Variants in B3GAT1 observed in about 807,000 individuals in gnomAD.
B3GAT1 encodes the protein galactosylgalactosylxylosylprotein 3-beta-glucuronosyltransferase 1.
A neutral mutation model predicts 28.4 loss-of-function variants in B3GAT1; 11 were observed. That is an observed-to-expected ratio of 0.39 (90% CI 0.24 to 0.64). The LOEUF is 0.64. Ranked by LOEUF, B3GAT1 falls within the 30% of genes least tolerant of loss-of-function variation. The pLI is 0.50. For missense variants in B3GAT1, 375 were observed against 491.0 expected, an observed-to-expected ratio of 0.76 and a Z score of 2.23; for synonymous variants, 255 against 223.1, an observed-to-expected ratio of 1.14 and a Z score of -1.27.
intron 1 of B3GAT1, among the ~76,000 whole-genome samples, chr11:134,400,289 G>T (rs1008199291): frequency 6.6e-6 from 1 of 152,094 alleles, no homozygotes; most frequent in Admixed American, 6.6e-5. Flanking sequence ...CTCCGGGGGC[G>T]CCTGGTCTTA....
At chr11:134,407,962 T>C (rs1188576453) in intron 1 of B3GAT1, among the ~76,000 whole-genome samples, 1 of 147,414 alleles carries the variant, frequency 6.8e-6, no homozygotes, top group Non-Finnish European at 1.5e-5. Context: ...TCTGGAATTT[T>C]GGTGTCAAGA....
chr11:134,383,583 C>A, intron 3 of B3GAT1, 97 bp downstream of exon 3: 1 of 1,413,436 alleles, frequency 7.1e-7, no homozygotes, highest in South Asian at 1.5e-5. Context: ...CCCGGGTTCC[C>A]CCTGCGCGCG....
chr11:134,399,592 C>G (rs141079394), intron 1 of B3GAT1, among the ~76,000 whole-genome samples: 3 of 152,222 alleles, frequency 2.0e-5, no homozygotes, highest in African/African-American at 7.2e-5. Context: ...GGCTGCCCAG[C>G]AGTGGCAGAG....
intron 1 of B3GAT1, among the ~76,000 whole-genome samples, chr11:134,400,502 G>A (rs1375487216): frequency 1.3e-5 from 2 of 152,224 alleles, no homozygotes; most frequent in Non-Finnish European, 2.9e-5. Context: ...ACACAGTGGT[G>A]AATACAAACA....
At position 134,411,941 on chromosome 11, in the gene B3GAT1, C is replaced by A. The variant is rs1403403724; in HGVS notation, c.-416G>T. 8 of 149,768 alleles carry A rather than the reference C, an allele frequency of 5.3e-5. No individual in the cohort carries two copies. The highest frequency in any genetic ancestry group is 3.9e-4 in the South Asian group (2 of 5,106). 9.3% of individuals were successfully genotyped at this position (149,768 alleles called of 1,614,324 possible). ...TCCCCGGGGACTGTCGGGCTCCGGGCCCCCGGGGGCCACTTCATAGCCGCG... is the reference window on the plus strand; with the variant it reads ...TCCCCGGGGACTGTCGGGCTCCGGGACCCCGGGGGCCACTTCATAGCCGCG... On this transcript the variant is annotated 5_prime_UTR_variant, in exon 1 of 6. Coordinates refer to ENST00000312527, the MANE Select transcript of B3GAT1 (RefSeq NM_054025.3). The surrounding 1 kb of genome is among the most constrained non-coding windows in gnomAD (Gnocchi z 6.0).
chr11:134,381,552 C>T (rs925842343), intron 5 of B3GAT1: 19 of 227,556 alleles, frequency 8.3e-5, no homozygotes, highest in African/African-American at 4.0e-4. Flanking sequence ...ACCATGGCCA[C>T]GTGGTGAAGG....
At position 134,383,994 on chromosome 11, in the gene B3GAT1, T is replaced by A; in HGVS notation, c.307A>T (p.Thr103Ser). ...TGCAGCAGCGTGTTGGCCATGCGCG[T>A]CAGCTCGGCCTTCTGCACCGGGCGG... ...YSRPVQKAEL[T>S]RMANTLLHVP... The change falls in exon 3 of 6, where the codon ACG (threonine) becomes TCG (serine). Residue 103 changes from threonine (T) to serine (S), a missense_variant. Coordinates refer to ENST00000312527, the MANE Select transcript of B3GAT1 (RefSeq NM_054025.3). 1 of 1,604,294 alleles carries A rather than the reference T, an allele frequency of 6.2e-7. No individual in the cohort carries two copies. Among genetic ancestry groups the A allele is most frequent in the South Asian group, 1.1e-5 (1 of 90,818 alleles).
At chr11:134,383,276 C>G (rs932430325) in intron 3 of B3GAT1, among the ~76,000 whole-genome samples, 1 of 152,134 alleles carries the variant, frequency 6.6e-6, no homozygotes. Context: ...TGTTTTCTCC[C>G]TTGTCTAAAA....
At position 134,395,587 on chromosome 11, in the gene B3GAT1, G is replaced by A. The variant is rs192875951; in HGVS notation, c.-281-7647C>T. The stretch of plus-strand genomic sequence containing the variant: ...TTTGTGGGACTGGCAAGTAGTCCTT[G>A]TACAGAACCCTGGAGCCCAGCCTGG... On this transcript the variant is annotated intron_variant, in intron 1 of 5. Transcript: ENST00000312527. Among the ~76,000 whole-genome samples the A allele has an allele frequency of 9.9e-5, 15 of 152,206 alleles. No homozygotes were observed. The East Asian group carries it at 2.3e-3, about 24-fold the overall frequency.
rs1591632396 is a variant in B3GAT1 at position 134,382,821 on chromosome 11, G to A, written c.807C>T (p.Ser269=). The A allele has an allele frequency of 6.2e-7, 1 of 1,614,206 alleles. No homozygotes were observed. The highest frequency in any genetic ancestry group is 8.5e-7 in the Non-Finnish European group (1 of 1,180,034). The part of the protein sequence containing the change: ...AVNLRLILQR[S]QAYFKLRGVK... ...CACCTCGCAGCTTGAAGTAGGCCTGGCTTCGCTGCAGAATGAGCCGCAGGT... is the reference window on the plus strand; with the variant it reads ...CACCTCGCAGCTTGAAGTAGGCCTGACTTCGCTGCAGAATGAGCCGCAGGT... The change falls in exon 4 of 6, where the codon AGC becomes AGT. Residue 269 remains serine (S), a synonymous_variant. Coordinates refer to ENST00000312527, the MANE Select transcript of B3GAT1 (RefSeq NM_054025.3).
At chr11:134,382,652 G>A in intron 4 of B3GAT1, 58 bp downstream of exon 4, 1 of 1,561,786 alleles carries the variant, frequency 6.4e-7, no homozygotes, top group Non-Finnish European at 8.7e-7. Flanking sequence ...TCTGTAGGGA[G>A]GGTCTGGATG....
Position 134,411,170 on chromosome 11 carries a change from G to C in B3GAT1, c.-282+637C>G, listed in dbSNP as rs1944846158. Among the ~76,000 whole-genome samples, 2 of 152,118 alleles carry C rather than the reference G, an allele frequency of 1.3e-5. No individual in the cohort carries two copies. Among genetic ancestry groups the C allele is most frequent in the South Asian group, 4.1e-4 (2 of 4,828 alleles). ...CTCAACTCTCAGCCTCCTTTTTCTG[G>C]AAGTTGTGTGCTCTGACTTTGGAGG... On this transcript the variant is annotated intron_variant, in intron 1 of 5. Coordinates refer to ENST00000312527, the MANE Select transcript of B3GAT1 (RefSeq NM_054025.3). The surrounding 1 kb of genome is among the most constrained non-coding windows in gnomAD (Gnocchi z 6.0).
At chr11:134,402,195 G>A (rs559358511) in intron 1 of B3GAT1, among the ~76,000 whole-genome samples, 6 of 152,178 alleles carry the variant, frequency 3.9e-5, no homozygotes. Flanking sequence ...GGGAGACTGA[G>A]GTTTGGAACT....
In B3GAT1 at chr11:134,387,842, A is replaced by T. The variant is rs1944326685; in HGVS notation, c.-183T>A. On this transcript the variant is annotated 5_prime_UTR_variant, in exon 2 of 6. Transcript: ENST00000312527. ...CAGGTCTTACCAGCACTCACAACCCACCCATTGCGGAAGCAGGTTTGGAGA... is the reference window on the plus strand; with the variant it reads ...CAGGTCTTACCAGCACTCACAACCCTCCCATTGCGGAAGCAGGTTTGGAGA... 6.5e-7 allele frequency: 1 copy of T among 1,530,042 alleles called. No individual in the cohort carries two copies. Among genetic ancestry groups the T allele is most frequent in the East Asian group, 2.5e-5 (1 of 40,594 alleles). The allele number at this position is 1,530,042 out of a possible 1,614,324, so 94.8% of individuals were successfully genotyped here. A position where few individuals can be genotyped will look rare whatever the true frequency, so the allele number is the denominator to read the frequency against.
In B3GAT1 at chr11:134,380,345, C is replaced by T. The variant is rs965017437; in HGVS notation, c.*417G>A. On this transcript the variant is annotated 3_prime_UTR_variant, in exon 6 of 6. Transcript: ENST00000312527. ...CGTGCTGAGCCCAGGGACAGGGAGC[C>T]AGGGAGGGCCATGCTCCACTTGACT... 6.6e-6 allele frequency: 1 copy of T among 152,262 alleles called. No individual in the cohort carries two copies. The highest frequency in any genetic ancestry group is 1.5e-5 in the Non-Finnish European group (1 of 68,096). 9.4% of individuals were successfully genotyped at this position (152,262 alleles called of 1,614,324 possible). A position where few individuals can be genotyped will look rare whatever the true frequency, so the allele number is the denominator to read the frequency against.
chr11:134,396,957 C>T (rs1040479620), intron 1 of B3GAT1, among the ~76,000 whole-genome samples: 1 of 152,222 alleles, frequency 6.6e-6, no homozygotes, highest in South Asian at 2.1e-4. Context: ...AGCTGCTACA[C>T]CTCTTGTTGT....
At chr11:134,387,510 G>C in intron 2 of B3GAT1, 38 bp downstream of exon 2, 2 of 1,609,210 alleles carry the variant, frequency 1.2e-6, no homozygotes. Context: ...TCACTACCAA[G>C]GCCCAGCTGG....
chr11:134,403,731 C>T (rs1202819334), intron 1 of B3GAT1, among the ~76,000 whole-genome samples: 1 of 151,986 alleles, frequency 6.6e-6, no homozygotes, highest in Non-Finnish European at 1.5e-5. Flanking sequence ...ATGTGGAATA[C>T]ACATGCAATG....
chr11:134,390,214 G>C (rs954668345), intron 1 of B3GAT1: 3 of 152,312 alleles, frequency 2.0e-5, no homozygotes, highest in African/African-American at 7.2e-5. Flanking sequence ...GGTCTGAGAT[G>C]CAAGTGACTT....
Sources: gnomAD v4.1 joint callset for allele counts (sites outside exome capture counted in the v4.1 genomes callset) on GRCh38, gnomAD v4.1.1 for gene constraint, Gnocchi (gnomAD v3.1) non-coding constraint, MANE v1.5 for transcripts, NCBI Gene and HGNC (gene_info 2026-07-23, HGNC 2026-07-21) for gene names.